SNX9: variants seen among roughly 807,000 people sequenced by gnomAD.
SNX9 encodes sorting nexin 9.
In SNX9, 44 loss-of-function variants were observed where a neutral mutation model predicts 89.4. The observed-to-expected ratio is 0.49, with a 90% CI of 0.39 to 0.63. The LOEUF is 0.63. Among genes scored for constraint, SNX9 ranks in the 30% least tolerant of loss-of-function variants. The pLI is 0.00. For missense variants in SNX9, 578 were observed against 736.1 expected, an observed-to-expected ratio of 0.79 and a Z score of 2.49; for synonymous variants, 236 against 247.8, an observed-to-expected ratio of 0.95 and a Z score of 0.45.
At chr6:157,862,874 G>A (rs1309731149) in intron 1 of SNX9, among the ~76,000 whole-genome samples, 1 of 151,962 alleles carries the variant, frequency 6.6e-6, no homozygotes, top group Non-Finnish European at 1.5e-5. Flanking sequence ...GTATTAACTT[G>A]GACTCTCTAG....
chr6:157,899,906 C>CGTGT (rs1562610461), intron 5 of SNX9, among the ~76,000 whole-genome samples: 2 of 151,460 alleles, frequency 1.3e-5, no homozygotes, highest in Admixed American at 6.6e-5. Flanking sequence ...TGTGTGTGTG[C>CGTGT]GCGTGTATAT....
chr6:157,938,086 T>A (rs916648652), intron 15 of SNX9, among the ~76,000 whole-genome samples: 1 of 152,208 alleles, frequency 6.6e-6, no homozygotes, highest in African/African-American at 2.4e-5. Flanking sequence ...ACGAGCAGCG[T>A]GATGACACTG....
intron 1 of SNX9, among the ~76,000 whole-genome samples, chr6:157,855,235 T>G (rs981337785): frequency 3.3e-5 from 5 of 152,204 alleles, no homozygotes; most frequent in African/African-American, 9.7e-5. Context: ...CAAATCTTGT[T>G]CTTTTGGCTG....
At chr6:157,837,647 G>C (rs1781612555) in intron 1 of SNX9, among the ~76,000 whole-genome samples, 1 of 152,146 alleles carries the variant, frequency 6.6e-6, no homozygotes, top group South Asian at 2.1e-4. Context: ...AAAGAATGTA[G>C]TCCCCAAACT....
At chr6:157,923,147 T>C (rs1255606471) in intron 10 of SNX9, among the ~76,000 whole-genome samples, 1 of 151,996 alleles carries the variant, frequency 6.6e-6, no homozygotes, top group East Asian at 1.9e-4. Flanking sequence ...GAACTTGGAG[T>C]CAGGGCCCTT....
intron 10 of SNX9, among the ~76,000 whole-genome samples, chr6:157,925,630 G>T (rs1783676240): frequency 6.6e-6 from 1 of 152,032 alleles, no homozygotes; most frequent in Non-Finnish European, 1.5e-5. Context: ...GCAATGAAAT[G>T]AATGAACTGT....
At chr6:157,927,948 C>T (rs1488511027) in intron 11 of SNX9, among the ~76,000 whole-genome samples, 1 of 151,660 alleles carries the variant, frequency 6.6e-6, no homozygotes, top group African/African-American at 2.4e-5. Context: ...CACACACACA[C>T]ACACATAACC....
At chr6:157,935,314 A>AG (rs1356199101) in intron 13 of SNX9, among the ~76,000 whole-genome samples, 2 of 152,224 alleles carry the variant, frequency 1.3e-5, no homozygotes, top group Non-Finnish European at 2.9e-5. Flanking sequence ...TGGTCATTCT[A>AG]GGTAACGATC....
At chr6:157,833,518 G>C (rs1177032401) in intron 1 of SNX9, among the ~76,000 whole-genome samples, 4 of 151,660 alleles carry the variant, frequency 2.6e-5, no homozygotes, top group Non-Finnish European at 5.9e-5. Context: ...CTTCTTCCAG[G>C]GGAAAAAAAG....
intron 4 of SNX9, among the ~76,000 whole-genome samples, chr6:157,892,264 C>T (rs1257904854): frequency 6.6e-6 from 1 of 151,954 alleles, no homozygotes. Context: ...CAGAGATCGA[C>T]GTATGGGAAG....
intron 6 of SNX9, among the ~76,000 whole-genome samples, chr6:157,902,436 G>A (rs1175406183): frequency 6.6e-6 from 1 of 152,106 alleles, no homozygotes; most frequent in Non-Finnish European, 1.5e-5. Context: ...GCATTGTGCA[G>A]AGAGGTTTGT....
intron 1 of SNX9, among the ~76,000 whole-genome samples, chr6:157,832,020 C>G (rs966335069): frequency 3.3e-5 from 5 of 152,190 alleles, no homozygotes; most frequent in Non-Finnish European, 4.4e-5. Context: ...CAAAACTTTC[C>G]AATTGATATT....
At chr6:157,872,892 G>A (rs1423837028) in intron 2 of SNX9, 2 of 407,816 alleles carry the variant, frequency 4.9e-6, no homozygotes, top group African/African-American at 4.1e-5. Flanking sequence ...ACTTATTATT[G>A]AAGTTTGATT....
intron 9 of SNX9, among the ~76,000 whole-genome samples, chr6:157,911,750 CA>C (rs1333335005): frequency 6.6e-6 from 1 of 152,182 alleles, no homozygotes; most frequent in East Asian, 1.9e-4. Flanking sequence ...CTCCTTAAAA[CA>C]TTACTTTATA....
chr6:157,926,766 G>T (rs1274876370), intron 10 of SNX9, among the ~76,000 whole-genome samples: 1 of 128,602 alleles, frequency 7.8e-6, no homozygotes, highest in Non-Finnish European at 1.6e-5. Flanking sequence ...AGAAGGCAAA[G>T]TGAGACTCTG....
At position 157,875,166 on chromosome 6, in the gene SNX9, A is replaced by G. The variant is rs200349768; in HGVS notation, c.290A>G (p.Asn97Ser). The change falls in exon 4 of 18, where the codon AAC becomes AGC. Residue 97 changes from asparagine to serine, a missense_variant. Physicochemically the swap from Asn to Ser is conservative, Grantham distance 46. This residue lies in a region of SNX9 where 230 missense variants were observed against 244.7 expected (regional missense o/e 0.94). Coordinates refer to ENST00000392185, the MANE Select transcript of SNX9 (RefSeq NM_016224.5). Reference protein sequence around the residue: ...TAQASSSAASNNHQVGSGNDP... With the variant: ...TAQASSSAASSNHQVGSGNDP... ...CAGGCCAGTTCGTCGGCTGCCAGCAACAATCACCAGGTACGTCTCACTTCC... is the reference window on the plus strand; with the variant it reads ...CAGGCCAGTTCGTCGGCTGCCAGCAGCAATCACCAGGTACGTCTCACTTCC... The G allele has an allele frequency of 1.1e-4, 171 of 1,608,914 alleles. No individual in the cohort carries two copies. The highest frequency in any genetic ancestry group is 4.5e-5 in the East Asian group (2 of 44,640).
At chr6:157,922,737 GTCTTTGTGAATT>G (rs1399450583) in intron 10 of SNX9, among the ~76,000 whole-genome samples, 1 of 152,172 alleles carries the variant, frequency 6.6e-6, no homozygotes, top group East Asian at 1.9e-4. Flanking sequence ...GCTTCACCAT[GTCTTTGTGAATT>G]TGTGTATATC....
chr6:157,847,532 T>C (rs1015489391), intron 1 of SNX9, among the ~76,000 whole-genome samples: 9 of 152,106 alleles, frequency 5.9e-5, no homozygotes, highest in African/African-American at 2.2e-4. Flanking sequence ...CTGAAAAATA[T>C]ATATTTTTAA....
intron 1 of SNX9, among the ~76,000 whole-genome samples, chr6:157,833,757 G>C (rs772235815): frequency 1.3e-5 from 2 of 152,166 alleles, no homozygotes; most frequent in Non-Finnish European, 2.9e-5. Context: ...CCATGACTCA[G>C]ATTTTAGAGT....
Sources: gnomAD v4.1 joint callset for allele counts (sites outside exome capture counted in the v4.1 genomes callset) on GRCh38, gnomAD v4.1.1 for gene constraint, gnomAD v4.1.1 regional missense constraint, MANE v1.5 for transcripts, NCBI Gene and HGNC (gene_info 2026-07-23, HGNC 2026-07-21) for gene names.